SAMD12: variants seen among roughly 807,000 people sequenced by gnomAD.
SAMD12 encodes the protein sterile alpha motif domain-containing protein 12.
In SAMD12, 9 loss-of-function variants were observed where a neutral mutation model predicts 15.0. The ratio of observed to expected loss-of-function variants is 0.60; its 90% confidence interval spans 0.36 to 1.05. The LOEUF (loss-of-function observed/expected upper bound fraction) is 1.05, where lower values mean the gene tolerates loss of function less well. Ranked by LOEUF, SAMD12 falls within the 50% of genes least tolerant of loss-of-function variation. The probability of loss-of-function intolerance (pLI) is 0.01; values close to 1 mark genes in which losing one functional copy is unlikely to be tolerated. For missense variants in SAMD12, 230 were observed against 234.2 expected, an observed-to-expected ratio of 0.98 and a Z score of 0.12; for synonymous variants, 86 against 90.1, an observed-to-expected ratio of 0.96 and a Z score of 0.25.
chr8:118,400,855 T>G (rs1444493605), intron 3 of SAMD12, among the ~76,000 whole-genome samples: 1 of 151,854 alleles, frequency 6.6e-6, no homozygotes, highest in African/African-American at 2.4e-5. Flanking sequence ...AAAACAGAAC[T>G]GAGAATGGAA....
intron 2 of SAMD12, among the ~76,000 whole-genome samples, chr8:118,553,869 G>A (rs867892448): frequency 0.019 from 2,836 of 148,096 alleles, 80 homozygotes; most frequent in African/African-American, 0.061. Flanking sequence ...AAAAGTGGGC[G>A]AAGGACATGA....
chr8:118,332,447 T>G lies in SAMD12; in HGVS notation c.433+47113A>C, dbSNP rs181863726. ...CATTGGCAGTGATTATTCAACTTGT[T>G]TCACTAATTTGACTCATTTCCCAAA... On this transcript the variant is annotated intron_variant, in intron 4 of 4. Coordinates refer to the SAMD12 transcript ENST00000409003. Among the ~76,000 whole-genome samples the G allele has an allele frequency of 1.7e-4, 26 of 152,374 alleles. No individual in the cohort carries two copies. In the East Asian group the frequency reaches 4.2e-3, roughly 25 times the overall value.
the SAMD12 span, among the ~76,000 whole-genome samples, chr8:118,182,324 G>T: frequency 6.6e-6 from 1 of 152,158 alleles, no homozygotes; most frequent in African/African-American, 2.4e-5. Context: ...ACATTCACAT[G>T]ATTTTTGCAT....
At chr8:118,282,728 T>C (rs1813712350) in intron 4 of SAMD12, among the ~76,000 whole-genome samples, 1 of 152,164 alleles carries the variant, frequency 6.6e-6, no homozygotes, top group Non-Finnish European at 1.5e-5. Context: ...ACAGGGAAGA[T>C]GTATAGGTTT....
intron 4 of SAMD12, among the ~76,000 whole-genome samples, chr8:118,365,473 G>C (rs963577486): frequency 6.6e-6 from 1 of 152,108 alleles, no homozygotes; most frequent in African/African-American, 2.4e-5. Context: ...AACTTGTTTC[G>C]TTCTCTCCTT....
At chr8:118,192,611 TAACCAACC>T (rs72084755) in exon 5 of SAMD12, 16 of 146,392 alleles carry the variant, frequency 1.1e-4, no homozygotes, top group African/African-American at 4.4e-4. Context: ...ACGCAACAAA[TAACCAACC>T]AACCAAACAA....
chr8:118,271,828 A>G (rs898177236), intron 4 of SAMD12, among the ~76,000 whole-genome samples: 1 of 152,236 alleles, frequency 6.6e-6, no homozygotes, highest in Non-Finnish European at 1.5e-5. Context: ...CAAGACACTG[A>G]TGCTACCACA....
At chr8:118,365,515 G>C (rs536735614) in intron 4 of SAMD12, among the ~76,000 whole-genome samples, 5 of 152,148 alleles carry the variant, frequency 3.3e-5, no homozygotes, top group South Asian at 2.1e-4. Context: ...TTTGCCCTTG[G>C]ACACTGTAGC....
chr8:118,476,292 T>A (rs560604851), intron 2 of SAMD12, among the ~76,000 whole-genome samples: 1 of 152,292 alleles, frequency 6.6e-6, no homozygotes, highest in East Asian at 1.9e-4. Flanking sequence ...AGTTCTCACA[T>A]CCTGGACCAT....
At chr8:118,162,159 CA>C in the SAMD12 span, among the ~76,000 whole-genome samples, 21 of 140,238 alleles carry the variant, frequency 1.5e-4, no homozygotes, top group South Asian at 2.4e-4. Flanking sequence ...GACTCTGTCT[CA>C]AAAAAAAAAA....
chr8:118,505,744 C>T (rs1824903819), intron 2 of SAMD12, among the ~76,000 whole-genome samples: 1 of 151,668 alleles, frequency 6.6e-6, no homozygotes. Flanking sequence ...TGTAACTATA[C>T]CCGATGTAAT....
At chr8:118,247,920 A>G (rs1275251662) in intron 4 of SAMD12, among the ~76,000 whole-genome samples, 2 of 150,734 alleles carry the variant, frequency 1.3e-5, no homozygotes, top group Non-Finnish European at 2.9e-5. Context: ...TTAAAATGGG[A>G]AAAAAATACT....
At chr8:118,187,369 C>G (rs1819259681), downstream of SAMD12, among the ~76,000 whole-genome samples, 2 of 152,114 alleles carry the variant, frequency 1.3e-5, no homozygotes, top group African/African-American at 2.4e-5. Flanking sequence ...AAAGTATTAA[C>G]AATTCTAATG....
chr8:118,300,044 T>G (rs1325790686), intron 4 of SAMD12, among the ~76,000 whole-genome samples: 1 of 152,118 alleles, frequency 6.6e-6, no homozygotes, highest in South Asian at 2.1e-4. Flanking sequence ...TTTTTTTAAT[T>G]GACATATAAT....
intron 4 of SAMD12, among the ~76,000 whole-genome samples, chr8:118,239,408 A>G (rs186484034): frequency 5.3e-4 from 81 of 152,256 alleles, no homozygotes; most frequent in Non-Finnish European, 8.1e-4. Context: ...ATGAAGTTGG[A>G]ATGATGACAA....
chr8:118,584,930 C>T lies in SAMD12; in HGVS notation c.14-4037G>A, dbSNP rs879493000. The stretch of plus-strand genomic sequence containing the variant: ...AATTCAACTTGTAGGTATACACACA[C>T]ACACACACACACACACACACACACA... On this transcript the variant is annotated intron_variant, in intron 1 of 3. Coordinates refer to ENST00000314727, the MANE Select transcript of SAMD12 (RefSeq NM_207506.3). 2.0e-3 allele frequency among the ~76,000 whole-genome samples: 295 copies of T among 150,416 alleles called. 2 individuals carry two copies. The highest frequency in any genetic ancestry group is 3.5e-3 in the Admixed American group (53 of 15,142).
At chr8:118,552,944 G>A (rs1226514231) in intron 2 of SAMD12, among the ~76,000 whole-genome samples, 1 of 151,848 alleles carries the variant, frequency 6.6e-6, no homozygotes, top group East Asian at 1.9e-4. Context: ...GCTTCAAAGA[G>A]AATAAAATAC....
intron 4 of SAMD12, among the ~76,000 whole-genome samples, chr8:118,229,879 T>C (rs1563706055): frequency 1.3e-5 from 2 of 152,116 alleles, no homozygotes; most frequent in South Asian, 2.1e-4. Flanking sequence ...AGCCCAATTA[T>C]CTACATTTAT....
intron 2 of SAMD12, among the ~76,000 whole-genome samples, chr8:118,441,256 T>C (rs1282572807): frequency 1.3e-5 from 2 of 152,222 alleles, no homozygotes; most frequent in Admixed American, 6.5e-5. Flanking sequence ...CAAATAATTA[T>C]GGCAAAATAA....
Sources: allele counts gnomAD v4.1 joint callset (sites outside exome capture counted in the v4.1 genomes callset), GRCh38; gene constraint gnomAD v4.1.1; transcripts MANE v1.5; gene names NCBI Gene and HGNC (gene_info 2026-07-23, HGNC 2026-07-21).